Variants in ANO4 observed in about 807,000 individuals in gnomAD.
ANO4 encodes anoctamin 4.
A neutral mutation model predicts 141.9 loss-of-function variants in ANO4; 69 were observed. The ratio of observed to expected loss-of-function variants is 0.49; its 90% CI spans 0.40 to 0.59. ANO4 has a LOEUF of 0.59. ANO4 is among the 20% of genes least tolerant of loss of function. The pLI, the probability that ANO4 is intolerant of heterozygous loss-of-function variation, is 0.00. For missense variants in ANO4, 894 were observed against 1,162.2 expected, an observed-to-expected ratio of 0.77 and a Z score of 3.36; for synonymous variants, 350 against 394.3, an observed-to-expected ratio of 0.89 and a Z score of 1.33.
intron 3 of ANO4, among the ~76,000 whole-genome samples, chr12:100,757,970 A>G (rs912042682): frequency 1.3e-5 from 2 of 152,208 alleles, no homozygotes; most frequent in Admixed American, 6.5e-5. Context: ...GGATTTTAAT[A>G]TAAAGAAATA....
At chr12:101,041,278 G>A (rs2047402977) in intron 11 of ANO4, among the ~76,000 whole-genome samples, 1 of 152,326 alleles carries the variant, frequency 6.6e-6, no homozygotes, top group East Asian at 1.9e-4. Context: ...CAAGGGCATT[G>A]ATGAATTGTG....
chr12:101,083,266 T>C (rs993897860), intron 15 of ANO4, among the ~76,000 whole-genome samples: 3 of 152,202 alleles, frequency 2.0e-5, no homozygotes. Flanking sequence ...TTGAACATTT[T>C]CCTGTAGAGA....
intron 1 of ANO4, among the ~76,000 whole-genome samples, chr12:100,803,873 C>CT (rs745980149): frequency 2.0e-5 from 3 of 152,092 alleles, no homozygotes; most frequent in Non-Finnish European, 4.4e-5. Flanking sequence ...ATTACCATGA[C>CT]TTGTCTCTCT....
At chr12:100,765,758 A>G (rs1210558336) in intron 3 of ANO4, among the ~76,000 whole-genome samples, 2 of 151,338 alleles carry the variant, frequency 1.3e-5, no homozygotes, top group African/African-American at 4.8e-5. Flanking sequence ...AGATTTTATA[A>G]ATAATAATTA....
rs150738742 is a variant in ANO4 at position 101,062,699 on chromosome 12, C to T, written c.1312+14298C>T. ...GTTTACACTGTGAGGGGAAAATTAC[C>T]TACTCAAGCCTCAGCAATGGCGGAC... On this transcript the variant is annotated intron_variant, in intron 14 of 27. Coordinates refer to ENST00000392977, the MANE Select transcript of ANO4 (RefSeq NM_001286615.2). Among the ~76,000 whole-genome samples, 557 of 152,306 alleles carry T rather than the reference C, an allele frequency of 3.7e-3. 3 individuals carry two copies. The highest frequency in any genetic ancestry group is 0.013 in the African/African-American group (527 of 41,566).
chr12:101,110,303 A>C, intron 22 of ANO4, 101 bp from the exon 23 acceptor site: 1 of 1,276,830 alleles, frequency 7.8e-7, no homozygotes, highest in Non-Finnish European at 1.0e-6. Context: ...TGTATTGGGA[A>C]AAATGGGACT....
intron 1 of ANO4, among the ~76,000 whole-genome samples, chr12:100,839,438 T>C (rs1016978417): frequency 6.6e-6 from 1 of 152,182 alleles, no homozygotes; most frequent in Non-Finnish European, 1.5e-5. Flanking sequence ...TTCTTTGTAA[T>C]GTAGGTACAA....
At chr12:100,994,206 C>T (rs998965998) in intron 8 of ANO4, among the ~76,000 whole-genome samples, 2 of 152,176 alleles carry the variant, frequency 1.3e-5, no homozygotes, top group African/African-American at 4.8e-5. Context: ...TCTTTCATCA[C>T]ATGACACCCT....
At chr12:101,023,604 C>A (rs939850302) in intron 9 of ANO4, among the ~76,000 whole-genome samples, 1 of 152,098 alleles carries the variant, frequency 6.6e-6, no homozygotes, top group African/African-American at 2.4e-5. Context: ...GAGGTCAAGG[C>A]GGCAGTGAGC....
chr12:100,915,478 T>A (rs953194391), intron 2 of ANO4, among the ~76,000 whole-genome samples: 3 of 152,200 alleles, frequency 2.0e-5, no homozygotes, highest in African/African-American at 7.2e-5. Context: ...TCCTCTTAAG[T>A]CTGTTTTACA....
chr12:101,020,875 T>C (rs1210678473), intron 9 of ANO4, among the ~76,000 whole-genome samples: 1 of 152,184 alleles, frequency 6.6e-6, no homozygotes, highest in Non-Finnish European at 1.5e-5. Context: ...TTCCAGCAAG[T>C]TTTTTATCAA....
intron 25 of ANO4, among the ~76,000 whole-genome samples, chr12:101,118,609 G>A (rs1198295976): frequency 1.3e-5 from 2 of 152,176 alleles, no homozygotes; most frequent in Admixed American, 6.5e-5. Context: ...GACCTGGGAA[G>A]AATATTTGGT....
chr12:101,116,646 T>C (rs771421099), intron 24 of ANO4, 33 bp from the exon 25 acceptor site: 1 of 1,613,984 alleles, frequency 6.2e-7, no homozygotes, highest in Non-Finnish European at 8.5e-7. Flanking sequence ...AGGTGATGAG[T>C]GTTCTAATGG....
intron 2 of ANO4, chr12:100,733,931 C>G: frequency 1.5e-6 from 1 of 645,336 alleles, no homozygotes; most frequent in South Asian, 1.7e-5. Context: ...AAGGGGGTGG[C>G]TGGGGAGGAG....
intron 14 of ANO4, among the ~76,000 whole-genome samples, chr12:101,054,722 G>T (rs1263271402): frequency 6.6e-6 from 1 of 152,158 alleles, no homozygotes; most frequent in Non-Finnish European, 1.5e-5. Flanking sequence ...GAATGGTCTG[G>T]ATCTTCTGAC....
intron 8 of ANO4, among the ~76,000 whole-genome samples, chr12:101,003,574 A>G (rs747321542): frequency 6.6e-6 from 1 of 152,194 alleles, no homozygotes; most frequent in Non-Finnish European, 1.5e-5. Context: ...ACCTCGTATT[A>G]ATATTGTTTT....
At chr12:100,893,675 G>C (rs1464712364) in intron 1 of ANO4, among the ~76,000 whole-genome samples, 1 of 152,136 alleles carries the variant, frequency 6.6e-6, no homozygotes, top group Non-Finnish European at 1.5e-5. Flanking sequence ...CAATGGAGCA[G>C]GGAATATACC....
At chr12:101,106,574 T>TGTAC (rs1491115362) in intron 22 of ANO4, among the ~76,000 whole-genome samples, 1 of 45,546 alleles carries the variant, frequency 2.2e-5, no homozygotes, top group East Asian at 5.0e-4. Context: ...TGTGTGTGTG[T>TGTAC]ATATATATAT....
intron 14 of ANO4, among the ~76,000 whole-genome samples, chr12:101,069,759 A>G (rs2048733641): frequency 6.6e-6 from 1 of 152,172 alleles, no homozygotes; most frequent in Non-Finnish European, 1.5e-5. Flanking sequence ...ATTTGTCTTT[A>G]TGTACTCTTG....
Sources: gnomAD v4.1 joint callset for allele counts (sites outside exome capture counted in the v4.1 genomes callset) on GRCh38, gnomAD v4.1.1 for gene constraint, MANE v1.5 for transcripts, NCBI Gene and HGNC (gene_info 2026-07-23, HGNC 2026-07-21) for gene names.